Variants in VEPH1 observed in about 807,000 individuals in gnomAD.
VEPH1 encodes ventricular zone-expressed PH domain-containing protein homolog 1.
Under a neutral mutation model 85.2 loss-of-function variants are expected in VEPH1, and 80 were observed. The observed-to-expected ratio is 0.94, with a 90% CI of 0.78 to 1.13. The LOEUF (loss-of-function observed/expected upper bound fraction) is 1.13, where lower values mean the gene tolerates loss of function less well. Ranked by LOEUF, VEPH1 falls within the 50% of genes most tolerant of loss-of-function variation. VEPH1 has a pLI of 0.00. For synonymous variants in VEPH1, 297 were observed against 348.0 expected (o/e 0.85, Z 1.63); for missense variants, 955 against 980.5 (o/e 0.97, Z 0.35).
At chr3:157,271,544 G>A (rs1714550921) in intron 12 of VEPH1, among the ~76,000 whole-genome samples, 1 of 152,186 alleles carries the variant, frequency 6.6e-6, no homozygotes, top group Non-Finnish European at 1.5e-5. Flanking sequence ...CCTGTATGGA[G>A]AGCACCGTTT....
chr3:157,473,161 C>T (rs1204482909), intron 2 of VEPH1, among the ~76,000 whole-genome samples: 2 of 150,270 alleles, frequency 1.3e-5, no homozygotes, highest in Non-Finnish European at 3.0e-5. Context: ...CCACTTCCGC[C>T]TCTGGGGTTC....
At chr3:157,384,673 A>C (rs1375928412) in intron 6 of VEPH1, among the ~76,000 whole-genome samples, 1 of 152,252 alleles carries the variant, frequency 6.6e-6, no homozygotes, top group Non-Finnish European at 1.5e-5. Flanking sequence ...AGGAAAAATT[A>C]TAACTGCTCT....
chr3:157,376,690 T>C (rs4680360), intron 7 of VEPH1, among the ~76,000 whole-genome samples: 109,527 of 152,110 alleles, frequency 0.72, 40,403 homozygotes, highest in African/African-American at 0.87. Flanking sequence ...AAAACTCACT[T>C]AATTTATTCA....
At chr3:157,410,243 A>G (rs1390104140) in intron 6 of VEPH1, among the ~76,000 whole-genome samples, 1 of 152,120 alleles carries the variant, frequency 6.6e-6, no homozygotes, top group East Asian at 1.9e-4. Context: ...TGGCTGTCTT[A>G]CAAGCACCCC....
At chr3:157,489,034 C>A (rs1259692662) in intron 2 of VEPH1, 2 of 443,950 alleles carry the variant, frequency 4.5e-6, no homozygotes, top group Non-Finnish European at 9.1e-6. Context: ...AAAATACATC[C>A]AGGATCATCT....
intron 11 of VEPH1, among the ~76,000 whole-genome samples, chr3:157,292,995 A>G (rs1211204984): frequency 6.6e-6 from 1 of 151,864 alleles, no homozygotes; most frequent in African/African-American, 2.4e-5. Context: ...AAAAAAAAAA[A>G]AAAAGAAAAA....
At chr3:157,345,310 A>T (rs989021074) in intron 9 of VEPH1, among the ~76,000 whole-genome samples, 3 of 152,162 alleles carry the variant, frequency 2.0e-5, no homozygotes, top group Non-Finnish European at 2.9e-5. Flanking sequence ...GAATCTACAA[A>T]GAACTCAAAC....
At chr3:157,385,597 T>G (rs1010375972) in intron 6 of VEPH1, among the ~76,000 whole-genome samples, 5 of 152,202 alleles carry the variant, frequency 3.3e-5, no homozygotes, top group African/African-American at 1.2e-4. Context: ...GCAAATTTCT[T>G]TAGTAACTTG....
Position 157,265,714 on chromosome 3 carries a change from G to C in VEPH1, c.2129-52C>G, listed in dbSNP as rs371400977. On this transcript the variant is annotated intron_variant, in intron 12 of 13. Transcript: ENST00000362010. ...CCATGTATTTTCCAATATTTACTAG[G>C]TAGGTGATCAAAAGTCAGAACTGTA... 1.9e-6 allele frequency: 3 copies of C among 1,593,904 alleles called. No homozygotes were observed. The African/African-American group carries it at 4.0e-5, about 21-fold the overall frequency.
intron 1 of VEPH1, 72 bp from the exon 2 acceptor site, chr3:157,495,578 C>T: frequency 2.1e-6 from 2 of 975,170 alleles, no homozygotes; most frequent in East Asian, 3.2e-5. Context: ...AACTCAGTGT[C>T]CAGCGGAGAG....
chr3:157,488,693 T>C (rs1186014801), intron 2 of VEPH1, among the ~76,000 whole-genome samples: 3 of 151,844 alleles, frequency 2.0e-5, no homozygotes, highest in African/African-American at 7.3e-5. Context: ...AGCCCAGACT[T>C]CTCTCCTGCT....
intron 12 of VEPH1, among the ~76,000 whole-genome samples, chr3:157,269,371 A>G (rs1424825968): frequency 1.3e-5 from 2 of 152,188 alleles, no homozygotes; most frequent in African/African-American, 2.4e-5. Flanking sequence ...GGAAGCAAAG[A>G]CTTTTCACCG....
At chr3:157,418,713 G>A (rs989801282) in intron 5 of VEPH1, among the ~76,000 whole-genome samples, 8 of 152,220 alleles carry the variant, frequency 5.3e-5, no homozygotes, top group African/African-American at 1.9e-4. Context: ...AACATTCCAT[G>A]CTCATAGATA....
chr3:157,473,131 G>A (rs1189938586), intron 2 of VEPH1, among the ~76,000 whole-genome samples: 1 of 139,146 alleles, frequency 7.2e-6, no homozygotes, highest in African/African-American at 2.8e-5. Flanking sequence ...GGAGTGCAGT[G>A]GTGCGATCTC....
intron 6 of VEPH1, chr3:157,409,857 T>C (rs1387984729): frequency 2.5e-5 from 25 of 985,282 alleles, no homozygotes; most frequent in Admixed American, 1.2e-4. Flanking sequence ...GACTGAAGAT[T>C]GCAAACCCAC....
At chr3:157,361,695 G>T (rs576920515) in intron 9 of VEPH1, among the ~76,000 whole-genome samples, 1 of 152,310 alleles carries the variant, frequency 6.6e-6, no homozygotes, top group African/African-American at 2.4e-5. Flanking sequence ...AAGCTATCCA[G>T]ACTTGTTCAA....
intron 11 of VEPH1, among the ~76,000 whole-genome samples, chr3:157,308,403 G>A (rs565891441): frequency 1.4e-4 from 21 of 151,752 alleles, no homozygotes; most frequent in South Asian, 6.2e-4. Context: ...CGTTTCATAC[G>A]TAGCTAAACA....
At chr3:157,380,197 T>C (rs1310852699) in intron 7 of VEPH1, among the ~76,000 whole-genome samples, 2 of 152,314 alleles carry the variant, frequency 1.3e-5, no homozygotes, top group East Asian at 1.9e-4. Flanking sequence ...CAATCGTCAA[T>C]AATTTCCTCA....
chr3:157,396,458 TA>T (rs2108951263), intron 6 of VEPH1, among the ~76,000 whole-genome samples: 1 of 152,360 alleles, frequency 6.6e-6, no homozygotes, highest in East Asian at 1.9e-4. Flanking sequence ...ATATACCCAG[TA>T]ATGAGATTGC....
Sources: allele counts gnomAD v4.1 joint callset (sites outside exome capture counted in the v4.1 genomes callset), GRCh38; gene constraint gnomAD v4.1.1; transcripts MANE v1.5; gene names NCBI Gene and HGNC (gene_info 2026-07-23, HGNC 2026-07-21).